Variants in ATP8A2 observed in about 807,000 individuals in gnomAD.
ATP8A2 encodes ATPase phospholipid transporting 8A2.
A neutral mutation model predicts 165.6 loss-of-function variants in ATP8A2; 100 were observed. The observed-to-expected ratio is 0.60, with a 90% CI of 0.51 to 0.71. The LOEUF is 0.71. ATP8A2 is among the 30% of genes least tolerant of loss of function. ATP8A2 has a pLI of 0.00. For missense variants in ATP8A2, 1,227 were observed against 1,479.5 expected (o/e 0.83, Z 2.80); for synonymous variants, 543 against 548.8 (o/e 0.99, Z 0.15).
At chr13:25,589,610 C>T (rs2040014542) in intron 23 of ATP8A2, 25 bp from the exon 24 acceptor site, 2 of 1,576,506 alleles carry the variant, frequency 1.3e-6, no homozygotes, top group African/African-American at 2.7e-5. Flanking sequence ...GAGAAATTCA[C>T]ATGTTGTCTC....
intron 2 of ATP8A2, among the ~76,000 whole-genome samples, chr13:25,480,774 A>C (rs1163823179): frequency 1.3e-5 from 2 of 150,268 alleles, no homozygotes; most frequent in African/African-American, 4.9e-5. Flanking sequence ...CAGAGGCTGC[A>C]CTCTGGGCAC....
At chr13:25,643,104 C>T (rs1428036025) in intron 24 of ATP8A2, among the ~76,000 whole-genome samples, 1 of 152,056 alleles carries the variant, frequency 6.6e-6, no homozygotes, top group Admixed American at 6.6e-5. Context: ...AGGAGATATA[C>T]CTAATGTAAA....
intron 25 of ATP8A2, among the ~76,000 whole-genome samples, chr13:25,746,241 C>T (rs1300576333): frequency 3.9e-5 from 6 of 152,160 alleles, no homozygotes; most frequent in Admixed American, 6.5e-5. Flanking sequence ...AACTCCCAAA[C>T]GCCCAAAACT....
chr13:25,855,708 G>T (rs1221753842), intron 30 of ATP8A2, among the ~76,000 whole-genome samples: 3 of 152,168 alleles, frequency 2.0e-5, no homozygotes, highest in African/African-American at 7.2e-5. Flanking sequence ...AGGTCACATG[G>T]TAACTGTACA....
chr13:25,625,473 A>T (rs1240130496), intron 24 of ATP8A2, among the ~76,000 whole-genome samples: 1 of 152,230 alleles, frequency 6.6e-6, no homozygotes, highest in Non-Finnish European at 1.5e-5. Flanking sequence ...GTTTAAAAAT[A>T]CACAGGCCTC....
chr13:25,837,416 C>A (rs958544339), intron 29 of ATP8A2, 131 bp downstream of exon 29: 1 of 690,216 alleles, frequency 1.4e-6, no homozygotes, highest in Admixed American at 2.6e-5. Context: ...ATCCACTCAC[C>A]CCACCACCAC....
chr13:25,730,084 G>C (rs2043585829), intron 25 of ATP8A2, among the ~76,000 whole-genome samples: 1 of 148,250 alleles, frequency 6.7e-6, no homozygotes, highest in Non-Finnish European at 1.5e-5. Context: ...GAACCCAGGA[G>C]TTTGAGACCA....
At chr13:25,482,154 A>T (rs753755436) in intron 2 of ATP8A2, among the ~76,000 whole-genome samples, 1 of 152,098 alleles carries the variant, frequency 6.6e-6, no homozygotes, top group Non-Finnish European at 1.5e-5. Context: ...CATCTTCCCA[A>T]ACCCCACTTG....
At chr13:25,404,253 C>A (rs964812488) in intron 1 of ATP8A2, among the ~76,000 whole-genome samples, 3 of 152,120 alleles carry the variant, frequency 2.0e-5, no homozygotes, top group Non-Finnish European at 4.4e-5. Context: ...GCAAGCATGA[C>A]CAAAGCCAAG....
chr13:25,832,714 A>T (rs1195216532), intron 28 of ATP8A2, among the ~76,000 whole-genome samples: 1 of 152,218 alleles, frequency 6.6e-6, no homozygotes, highest in Admixed American at 6.5e-5. Flanking sequence ...AATTCAGACC[A>T]TTTACAAAAA....
intron 36 of ATP8A2, among the ~76,000 whole-genome samples, chr13:26,018,199 G>A (rs1026868203): frequency 1.2e-4 from 18 of 152,222 alleles, no homozygotes; most frequent in African/African-American, 4.3e-4. Flanking sequence ...TTCTCAGGCA[G>A]TGGCCAGAAG....
intron 25 of ATP8A2, among the ~76,000 whole-genome samples, chr13:25,710,984 A>G (rs533457687): frequency 1.6e-4 from 25 of 152,164 alleles, no homozygotes; most frequent in Non-Finnish European, 3.4e-4. Flanking sequence ...ACTAACAAAG[A>G]TATATCCTGA....
rs759391938 is a variant in ATP8A2, at chr13:25,733,727, TA to T, written c.2384+34387del. 3.3e-5 allele frequency among the ~76,000 whole-genome samples: 5 copies of T among 152,272 alleles called. No homozygotes were observed. The East Asian group carries it at 9.6e-4, about 29-fold the overall frequency. On this transcript the variant is annotated intron_variant, in intron 25 of 36. Coordinates refer to ENST00000381655, the MANE Select transcript of ATP8A2 (RefSeq NM_016529.6). ...ATCTATTTTATACATGGGCCCATATTAAAAAGCAAAAAAGTCATTCATGGTC... is the reference window on the plus strand; with the variant it reads ...ATCTATTTTATACATGGGCCCATATTAAAAGCAAAAAAGTCATTCATGGTC...
intron 33 of ATP8A2, among the ~76,000 whole-genome samples, chr13:25,895,754 A>G (rs1953521636): frequency 1.3e-5 from 2 of 152,164 alleles, no homozygotes; most frequent in African/African-American, 4.8e-5. Context: ...TTCCTGGTTT[A>G]GTCTTGGGAG....
intron 30 of ATP8A2, among the ~76,000 whole-genome samples, chr13:25,844,757 G>A (rs112041040): frequency 6.0e-4 from 92 of 152,128 alleles, no homozygotes; most frequent in Middle Eastern, 3.4e-3. Flanking sequence ...GTTTGACCGG[G>A]GGCTGAAGTC....
At chr13:25,373,470 T>C (rs1016204631) in intron 1 of ATP8A2, among the ~76,000 whole-genome samples, 1 of 152,076 alleles carries the variant, frequency 6.6e-6, no homozygotes, top group African/African-American at 2.4e-5. Flanking sequence ...AGGGAAGAGC[T>C]GTGGCAGAGA....
chr13:25,375,052 C>T (rs2032569019), intron 1 of ATP8A2, among the ~76,000 whole-genome samples: 1 of 152,162 alleles, frequency 6.6e-6, no homozygotes, highest in Admixed American at 6.5e-5. Flanking sequence ...TCAGTTTTAG[C>T]TTTCCCCAAA....
intron 33 of ATP8A2, among the ~76,000 whole-genome samples, chr13:25,958,081 A>G (rs1955568684): frequency 6.6e-6 from 1 of 151,998 alleles, no homozygotes; most frequent in Non-Finnish European, 1.5e-5. Context: ...GAGTTGAACA[A>G]TGAGAACACA....
At chr13:25,742,960 G>C (rs1296477968) in intron 25 of ATP8A2, among the ~76,000 whole-genome samples, 1 of 152,040 alleles carries the variant, frequency 6.6e-6, no homozygotes, top group Non-Finnish European at 1.5e-5. Flanking sequence ...TATTGAAGAG[G>C]TGAAAGGTAT....
Sources: allele counts gnomAD v4.1 joint callset (sites outside exome capture counted in the v4.1 genomes callset), GRCh38; gene constraint gnomAD v4.1.1; transcripts MANE v1.5; gene names NCBI Gene and HGNC (gene_info 2026-07-23, HGNC 2026-07-21).